Variants in EEF2 observed in about 807,000 individuals in gnomAD.
EEF2 encodes the protein elongation factor 2.
In EEF2, 21 loss-of-function variants were observed where a neutral mutation model predicts 85.3. The ratio of observed to expected loss-of-function variants is 0.25; its 90% CI spans 0.17 to 0.35. The LOEUF (loss-of-function observed/expected upper bound fraction) is 0.35, where lower values mean the gene tolerates loss of function less well. Among genes scored for constraint, EEF2 ranks in the 10% least tolerant of loss-of-function variants. EEF2 has a pLI of 1.00. For synonymous variants in EEF2, 723 were observed against 508.8 expected (o/e 1.42, Z -5.67); for missense variants, 825 against 1,225.3 (o/e 0.67, Z 4.88).
At chr19:3,982,179 A>T in intron 5 of EEF2, 67 bp downstream of exon 5, 2 of 1,603,294 alleles carry the variant, frequency 1.2e-6, no homozygotes, top group Non-Finnish European at 1.7e-6. Flanking sequence ...ATAGCACACC[A>T]CGCCCCTACG....
In EEF2 at chr19:3,983,297, G is replaced by C; in HGVS notation, c.219-6C>G. ...CGTAGAAGAGGGAGATGGCACTGAT[G>C]GAGGGAGGGACTCGTCAGGGGGACA... On this transcript the variant is annotated splice_polypyrimidine_tract_variant and splice_region_variant and intron_variant, in intron 2 of 14. Coordinates refer to ENST00000309311, the MANE Select transcript of EEF2 (RefSeq NM_001961.4). The C allele has an allele frequency of 6.2e-7, 1 of 1,612,110 alleles. No homozygotes were observed. The highest frequency in any genetic ancestry group is 8.5e-7 in the Non-Finnish European group (1 of 1,178,914).
chr19:3,981,121 A>G, intron 7 of EEF2, 142 bp from the exon 8 acceptor site: 1 of 1,367,538 alleles, frequency 7.3e-7, no homozygotes, highest in Non-Finnish European at 9.8e-7. Context: ...GAAGGCGGCA[A>G]AGGCCATGCA....
rs767455078 is a variant in EEF2 at position 3,980,069 on chromosome 19, G to A, written c.1347-3C>T. The A allele has an allele frequency of 3.7e-6, 6 of 1,610,586 alleles. No homozygotes were observed. In the African/African-American group the frequency reaches 4.0e-5, roughly 11 times the overall value. Reference sequence around the variant, plus strand: ...AGCGGCCCATCATCAAGATTGTTCTGGAAGAAGCAGAAGGCGGCAGCAGGC... The same window carrying A: ...AGCGGCCCATCATCAAGATTGTTCTAGAAGAAGCAGAAGGCGGCAGCAGGC... On this transcript the variant is annotated splice_region_variant and splice_polypyrimidine_tract_variant and intron_variant, in intron 9 of 14. Transcript: ENST00000309311.
At chr19:3,976,872 G>C in intron 14 of EEF2, 125 bp from the exon 15 acceptor site, 1 of 1,163,250 alleles carries the variant, frequency 8.6e-7, no homozygotes, top group South Asian at 1.6e-5. Flanking sequence ...ACTCGGCCTG[G>C]TGCCCAGCAC....
At position 3,980,899 on chromosome 19, in the gene EEF2, G is replaced by A; in HGVS notation, c.1092C>T (p.Ala364=). ...ACAGGAGCTCGCAGCGGTACTTCTG[G>A]GCCGTCACAGGGGAGGGCAGGTGGA... ...ITIHLPSPVT[A]QKYRCELLYE... Residue 364 remains alanine (A), a synonymous_variant, in exon 8 of 15, where the codon GCC becomes GCT. Coordinates refer to ENST00000309311, the MANE Select transcript of EEF2 (RefSeq NM_001961.4). 1.3e-6 allele frequency: 2 copies of A among 1,564,936 alleles called. No homozygotes were observed. Among genetic ancestry groups the A allele is most frequent in the African/African-American group, 1.4e-5 (1 of 73,926 alleles).
At chr19:3,979,075 C>A (rs933677285) in intron 11 of EEF2, among the ~76,000 whole-genome samples, 1 of 149,688 alleles carries the variant, frequency 6.7e-6, no homozygotes, top group Non-Finnish European at 1.5e-5. Flanking sequence ...GAGGTTCTAG[C>A]GAGCCAAGAT....
chr19:3,984,791 A>T, intron 1 of EEF2: 1 of 188,182 alleles, frequency 5.3e-6, no homozygotes, highest in South Asian at 1.0e-4. Context: ...AAGGCCACCC[A>T]CCCCAGGAAA....
In EEF2 at chr19:3,977,397, G is replaced by A. The variant is rs200990204; in HGVS notation, c.2250+31C>T. On this transcript the variant is annotated intron_variant, in intron 13 of 14. Transcript: ENST00000309311. This position sits in a 1 kb window ranked among gnomAD's most constrained non-coding sequence, Gnocchi z 5.4. ...TCAGTGGCCGCTGGGCAGGACGGTG[G>A]CAGGGTCAGCGGTGGGCGGGTAGAC... 1.8e-4 allele frequency: 285 copies of A among 1,590,746 alleles called. 2 individuals are homozygous for A. The highest frequency in any genetic ancestry group is 1.6e-4 in the Non-Finnish European group (182 of 1,168,238).
At chr19:3,983,599 G>C (rs182768466) in intron 2 of EEF2, among the ~76,000 whole-genome samples, 24 of 152,202 alleles carry the variant, frequency 1.6e-4, no homozygotes, top group East Asian at 9.7e-4. Flanking sequence ...CCAGCAGGAC[G>C]GCAAAAGCCT....
In EEF2 at chr19:3,977,394, G is replaced by A; in HGVS notation, c.2250+34C>T. The A allele has an allele frequency of 6.3e-7, 1 of 1,591,736 alleles. No homozygotes were observed. The highest frequency in any genetic ancestry group is 2.3e-5 in the East Asian group (1 of 44,136). Reference sequence around the variant, plus strand: ...CTGTCAGTGGCCGCTGGGCAGGACGGTGGCAGGGTCAGCGGTGGGCGGGTA... The same window carrying A: ...CTGTCAGTGGCCGCTGGGCAGGACGATGGCAGGGTCAGCGGTGGGCGGGTA... On this transcript the variant is annotated intron_variant, in intron 13 of 14. Coordinates refer to ENST00000309311, the MANE Select transcript of EEF2 (RefSeq NM_001961.4). This position sits in a 1 kb window ranked among gnomAD's most constrained non-coding sequence, Gnocchi z 5.4.
At chr19:3,981,217 C>T (rs536558206) in intron 7 of EEF2, 122 bp downstream of exon 7, 5 of 1,123,152 alleles carry the variant, frequency 4.5e-6, no homozygotes, top group South Asian at 2.8e-5. Context: ...GAGTCTAAAG[C>T]GAAAGGGGCA....
At chr19:3,979,004 T>C in intron 11 of EEF2, among the ~76,000 whole-genome samples, 1 of 151,472 alleles carries the variant, frequency 6.6e-6, no homozygotes, top group East Asian at 1.9e-4. Context: ...AGCACGCGCC[T>C]GTAGTCCCAG....
chr19:3,984,353 G>A lies in EEF2; in HGVS notation c.4-3C>T, dbSNP rs367708754. 1.9e-6 allele frequency: 3 copies of A among 1,613,682 alleles called. No homozygotes were observed. In the East Asian group the frequency reaches 6.7e-5, roughly 36 times the overall value. ...ATCTGGTCTACCGTGAAGTTCACCT[G>A]GGCAAGACAAGGAGGCTCAGACCAG... On this transcript the variant is annotated splice_region_variant and splice_polypyrimidine_tract_variant and intron_variant, in intron 1 of 14. Coordinates refer to ENST00000309311, the MANE Select transcript of EEF2 (RefSeq NM_001961.4).
intron 4 of EEF2, 103 bp downstream of exon 4, chr19:3,982,704 G>T: frequency 7.5e-7 from 1 of 1,332,634 alleles, no homozygotes; most frequent in East Asian, 2.5e-5. Flanking sequence ...CAACATTCCT[G>T]GCAAAAACAC....
chr19:3,979,837 G>A lies in EEF2; in HGVS notation c.1576C>T (p.Arg526Trp), dbSNP rs748441671. The A allele has an allele frequency of 6.2e-7, 1 of 1,613,630 alleles. No individual in the cohort carries two copies. Among genetic ancestry groups the A allele is most frequent in the Non-Finnish European group, 8.5e-7 (1 of 1,179,990 alleles). The change falls in exon 10 of 15, where the codon CGG becomes TGG. Residue 526 changes from arginine (R) to tryptophan (W), a missense_variant. Coordinates refer to ENST00000309311, the MANE Select transcript of EEF2 (RefSeq NM_001961.4). ...DLPKLVEGLKRLAKSDPMVQC... is the reference protein window; with the variant it reads ...DLPKLVEGLKWLAKSDPMVQC... ...ACCATGGGGTCGGACTTGGCCAGCC[G>A]CTTCAGCCCCTCCACCAGCTTGGGC... is the stretch of plus-strand genomic sequence containing the variant.
rs1599193321 is a variant in EEF2 at position 3,979,928 on chromosome 19, C to T, written c.1485G>A (p.Arg495=). Residue 495 remains arginine (R), a synonymous_variant, in exon 10 of 15, where the codon CGG becomes CGA. Coordinates refer to ENST00000309311, the MANE Select transcript of EEF2 (RefSeq NM_001961.4). Reference sequence around the variant, plus strand: ...CAGGGCTGACGCTGAACTTCATCACCCGCATGTTGTGCGCGTGCTCGAAGG... The same window carrying T: ...CAGGGCTGACGCTGAACTTCATCACTCGCATGTTGTGCGCGTGCTCGAAGG... The part of the protein sequence containing the change: ...ITTFEHAHNM[R]VMKFSVSPVV... 6.2e-7 allele frequency: 1 copy of T among 1,613,938 alleles called. No individual in the cohort carries two copies. Among genetic ancestry groups the T allele is most frequent in the Non-Finnish European group, 8.5e-7 (1 of 1,180,054 alleles).
chr19:3,982,158 C>A (rs912332585), intron 5 of EEF2, 88 bp downstream of exon 5: 1 of 1,599,288 alleles, frequency 6.3e-7, no homozygotes, highest in South Asian at 1.1e-5. Context: ...TGGGCTTGAG[C>A]CACGCTGTGA....
At position 3,980,201 on chromosome 19, in the gene EEF2, T is replaced by G. The variant is rs555820927; in HGVS notation, c.1347-135A>C. 3.3e-5 allele frequency: 42 copies of G among 1,288,930 alleles called. 1 individual carries two copies. The Admixed American group carries it at 1.0e-3, about 31-fold the overall frequency. The allele number at this position is 1,288,930 out of a possible 1,614,324, so 79.8% of individuals were successfully genotyped here. A position where few individuals can be genotyped will look rare whatever the true frequency, so the allele number is the denominator to read the frequency against. ...CAGACTGGTGGCTTCCACAAGGCCC[T>G]GACTGCTGCGTCGGGGCTGTCAGGA... On this transcript the variant is annotated intron_variant, in intron 9 of 14. Transcript: ENST00000309311.
intron 11 of EEF2, among the ~76,000 whole-genome samples, chr19:3,978,590 G>T (rs185407417): frequency 6.6e-6 from 1 of 151,788 alleles, no homozygotes; most frequent in Non-Finnish European, 1.5e-5. Context: ...TGGATCACGA[G>T]GTCAGGAGAT....
Sources: allele counts gnomAD v4.1 joint callset (sites outside exome capture counted in the v4.1 genomes callset), GRCh38; gene constraint gnomAD v4.1.1; non-coding constraint Gnocchi (gnomAD v3.1); transcripts MANE v1.5; gene names NCBI Gene and HGNC (gene_info 2026-07-23, HGNC 2026-07-21).